The following SLC43A2 variants were observed in gnomAD, a reference collection of about 807,000 sequenced individuals.
SLC43A2 encodes large neutral amino acids transporter small subunit 4.
SLC43A2 carries 38 observed loss-of-function variants against 63.2 expected under a neutral mutation model. The observed-to-expected ratio is 0.60, with a 90% CI of 0.46 to 0.79. The LOEUF is 0.79. Ranked by LOEUF, SLC43A2 falls within the 30% of genes least tolerant of loss-of-function variation. SLC43A2 has a pLI of 0.00. For missense variants in SLC43A2, 644 were observed against 756.2 expected, an observed-to-expected ratio of 0.85 and a Z score of 1.74; for synonymous variants, 322 against 331.0, an observed-to-expected ratio of 0.97 and a Z score of 0.30.
intron 5 of SLC43A2, among the ~76,000 whole-genome samples, chr17:1,609,939 C>T (rs1037488034): frequency 2.0e-5 from 3 of 151,164 alleles, no homozygotes; most frequent in South Asian, 4.2e-4. Context: ...AACGGAGTTT[C>T]GCTCTTGTTG....
chr17:1,591,734 A>AGGG, intron 6 of SLC43A2, 35 bp from the exon 7 acceptor site: 3 of 293,096 alleles, frequency 1.0e-5, no homozygotes, highest in Non-Finnish European at 2.0e-5. Flanking sequence ...TGGGGGGGGG[A>AGGG]GGGGGCAGAG....
chr17:1,612,339 T>C lies in SLC43A2; in HGVS notation c.501+856A>G, dbSNP rs563681019. On this transcript the variant is annotated intron_variant, in intron 5 of 13. Coordinates refer to ENST00000301335, the MANE Select transcript of SLC43A2 (RefSeq NM_152346.3). Reference sequence around the variant, plus strand: ...CATCAAGAAGGAGCATATTTTGTGATGTCCTGGGGCTCCCAACAAGGGGGT... The same window carrying C: ...CATCAAGAAGGAGCATATTTTGTGACGTCCTGGGGCTCCCAACAAGGGGGT... 1.2e-3 allele frequency among the ~76,000 whole-genome samples: 184 copies of C among 152,312 alleles called. 1 individual carries two copies. Among genetic ancestry groups the C allele is most frequent in the African/African-American group, 4.3e-3 (179 of 41,572 alleles).
intron 4 of SLC43A2, among the ~76,000 whole-genome samples, chr17:1,614,691 C>G (rs1490446479): frequency 6.6e-6 from 1 of 152,120 alleles, no homozygotes; most frequent in Non-Finnish European, 1.5e-5. Flanking sequence ...TGCAGCCGGC[C>G]TGGTTCTTAG....
In SLC43A2 at chr17:1,592,607, C is replaced by T. The variant is rs569733283; in HGVS notation, c.594+580G>A. 3.9e-5 allele frequency among the ~76,000 whole-genome samples: 6 copies of T among 152,288 alleles called. No homozygotes were observed. In the East Asian group the frequency reaches 7.7e-4, roughly 20 times the overall value. ...CCAACAGCATTCCCACACACACCAC[C>T]GAGGAAAGGGGCTTTTACTTAGTGT... On this transcript the variant is annotated intron_variant, in intron 6 of 13. Transcript: ENST00000301335.
At chr17:1,628,125 G>A (rs1224362699) in intron 1 of SLC43A2, 1 of 380,514 alleles carries the variant, frequency 2.6e-6, no homozygotes. Flanking sequence ...GCTGCCCTCC[G>A]CTACGACAGA....
At chr17:1,594,668 A>G (rs868422390) in intron 5 of SLC43A2, among the ~76,000 whole-genome samples, 5 of 144,146 alleles carry the variant, frequency 3.5e-5, no homozygotes, top group Middle Eastern at 3.6e-3. Context: ...GCTCACTGCA[A>G]GCTCCGCCTC....
chr17:1,586,114 C>A (rs567781975), intron 9 of SLC43A2, 63 bp from the exon 10 acceptor site: 2 of 1,509,660 alleles, frequency 1.3e-6, no homozygotes, highest in East Asian at 2.5e-5. Flanking sequence ...AGGGACTGGG[C>A]ACCAGCTGGG....
chr17:1,595,707 A>G (rs947470133), intron 5 of SLC43A2, among the ~76,000 whole-genome samples: 1 of 152,136 alleles, frequency 6.6e-6, no homozygotes, highest in Non-Finnish European at 1.5e-5. Context: ...GGCCTCCCAA[A>G]GTGCTGGGAT....
At chr17:1,608,498 A>G (rs1047531211) in intron 5 of SLC43A2, among the ~76,000 whole-genome samples, 2 of 152,014 alleles carry the variant, frequency 1.3e-5, no homozygotes, top group Admixed American at 1.3e-4. Flanking sequence ...GGTTCAAGCA[A>G]TTCTCCCACC....
At chr17:1,596,599 A>T (rs75276049) in intron 5 of SLC43A2, among the ~76,000 whole-genome samples, 9 of 151,584 alleles carry the variant, frequency 5.9e-5, no homozygotes, top group South Asian at 2.1e-4. Context: ...TTTTTTTTTT[A>T]GATGGAGTCT....
chr17:1,611,283 G>A (rs1052732000), intron 5 of SLC43A2, among the ~76,000 whole-genome samples: 4 of 152,112 alleles, frequency 2.6e-5, no homozygotes, highest in South Asian at 2.1e-4. Flanking sequence ...CAGAGGCGTC[G>A]CGTGACTAAA....
At chr17:1,625,396 G>C (rs772890054) in intron 2 of SLC43A2, among the ~76,000 whole-genome samples, 1 of 152,170 alleles carries the variant, frequency 6.6e-6, no homozygotes, top group Non-Finnish European at 1.5e-5. Flanking sequence ...CTAAAGCATC[G>C]TCCTAGAGTG....
At chr17:1,616,384 G>A (rs765294950) in intron 3 of SLC43A2, 178 bp downstream of exon 3, 57 of 641,742 alleles carry the variant, frequency 8.9e-5, no homozygotes, top group East Asian at 1.4e-4. Context: ...GGAGCACGGC[G>A]AGGACCACAG....
At chr17:1,589,943 C>T (rs1168785262) in intron 9 of SLC43A2, among the ~76,000 whole-genome samples, 1 of 152,174 alleles carries the variant, frequency 6.6e-6, no homozygotes, top group African/African-American at 2.4e-5. Flanking sequence ...CACAGTAGAA[C>T]TGGCTGTTAT....
chr17:1,573,294 G>A lies in SLC43A2; in HGVS notation c.*2310C>T, dbSNP rs1225842084. On this transcript the variant is annotated 3_prime_UTR_variant, in exon 14 of 14. Coordinates refer to ENST00000301335, the MANE Select transcript of SLC43A2 (RefSeq NM_152346.3). ...TGGCGGGTCTCAAATGCTGGCAGCA[G>A]AGTCACCGGTCAGCGGCAAGACCTG... 1 of 152,080 alleles carries A rather than the reference G, an allele frequency of 6.6e-6. No homozygotes were observed. The highest frequency in any genetic ancestry group is 2.4e-5 in the African/African-American group (1 of 41,390). 9.4% of individuals were successfully genotyped at this position (152,080 alleles called of 1,614,324 possible).
At chr17:1,613,475 G>A (rs536890588) in intron 4 of SLC43A2, among the ~76,000 whole-genome samples, 4 of 152,170 alleles carry the variant, frequency 2.6e-5, no homozygotes, top group East Asian at 3.9e-4. Flanking sequence ...TAATCGAGAC[G>A]TAGTTTTGCT....
rs763889976 is a variant in SLC43A2, at chr17:1,583,227, G to A, written c.1327C>T (p.Leu443Phe). The change falls in exon 11 of 14, where the codon CTC becomes TTC. Residue 443 changes from leucine to phenylalanine, a missense_variant. By Grantham distance (22) the Leu-to-Phe change is conservative (BLOSUM62 0). Transcript: ENST00000301335. The surrounding 1 kb of genome is among the most constrained non-coding windows in gnomAD (Gnocchi z 5.5). Reference sequence around the variant, plus strand: ...ACCTGGAGAGGCAGGTTGGGAATGAGGCAGGTCACCCCAAAGCCCACGAGC... The same window carrying A: ...ACCTGGAGAGGCAGGTTGGGAATGAAGCAGGTCACCCCAAAGCCCACGAGC... ...LLLVGFGVTCLIPNLPLQILS... is the reference protein window; with the variant it reads ...LLLVGFGVTCFIPNLPLQILS... 1.9e-6 allele frequency: 3 copies of A among 1,613,990 alleles called. No homozygotes were observed. The East Asian group carries it at 6.7e-5, about 36-fold the overall frequency.
chr17:1,582,672 A>G (rs762130558), intron 11 of SLC43A2, among the ~76,000 whole-genome samples: 2 of 152,204 alleles, frequency 1.3e-5, no homozygotes, highest in Non-Finnish European at 2.9e-5. Flanking sequence ...TGCAGAAGAC[A>G]ATCCAGGTGT....
intron 4 of SLC43A2, 90 bp downstream of exon 4, chr17:1,614,888 AG>A: frequency 7.5e-7 from 1 of 1,325,282 alleles, no homozygotes; most frequent in Admixed American, 1.9e-5. Context: ...CAGCAGGCCC[AG>A]GACAGTGTCC....
Sources: gnomAD v4.1 joint callset for allele counts (sites outside exome capture counted in the v4.1 genomes callset) on GRCh38, gnomAD v4.1.1 for gene constraint, Gnocchi (gnomAD v3.1) non-coding constraint, MANE v1.5 for transcripts, NCBI Gene and HGNC (gene_info 2026-07-23, HGNC 2026-07-21) for gene names.